The following PRKG1 variants were observed in gnomAD, a reference collection of about 807,000 sequenced individuals.
PRKG1 encodes cGMP-dependent protein kinase 1.
Under a neutral mutation model 88.1 loss-of-function variants are expected in PRKG1, and 35 were observed. The observed-to-expected ratio is 0.40, with a 90% confidence interval of 0.30 to 0.53. PRKG1 has a LOEUF of 0.53. Among genes scored for constraint, PRKG1 ranks in the 20% least tolerant of loss-of-function variants. The pLI is 0.59. For synonymous variants in PRKG1, 303 were observed against 292.5 expected (o/e 1.04, Z -0.37); for missense variants, 540 against 839.8 (o/e 0.64, Z 4.41).
chr10:51,370,512 A>ATGTGTGTG (rs34743767), intron 2 of PRKG1, among the ~76,000 whole-genome samples: 40 of 146,902 alleles, frequency 2.7e-4, no homozygotes, highest in Middle Eastern at 3.5e-3. Context: ...GTGTGTGTGT[A>ATGTGTGTG]TGTGTGTGTG....
intron 2 of PRKG1, among the ~76,000 whole-genome samples, chr10:51,367,776 G>C (rs567138925): frequency 6.6e-6 from 1 of 152,038 alleles, no homozygotes; most frequent in African/African-American, 2.4e-5. Context: ...TACTAACACA[G>C]TGTTTTTTGG....
chr10:51,126,613 C>T (rs1845429622), intron 1 of PRKG1, among the ~76,000 whole-genome samples: 1 of 151,252 alleles, frequency 6.6e-6, no homozygotes, highest in Admixed American at 6.6e-5. Flanking sequence ...ATTAGAAAAA[C>T]ATACTTTAAA....
chr10:52,215,395 A>C (rs1840085490), intron 9 of PRKG1, among the ~76,000 whole-genome samples: 2 of 78,804 alleles, frequency 2.5e-5, no homozygotes. Flanking sequence ...ACTCCATCTC[A>C]AAAAAAAAAA....
chr10:51,683,554 G>A (rs910137323), intron 3 of PRKG1, among the ~76,000 whole-genome samples: 2 of 152,142 alleles, frequency 1.3e-5, no homozygotes, highest in African/African-American at 4.8e-5. Flanking sequence ...TTCCTGCCCT[G>A]GGGTTTGGGT....
At chr10:51,017,647 A>G (rs1041228953) in intron 1 of PRKG1, among the ~76,000 whole-genome samples, 1 of 152,154 alleles carries the variant, frequency 6.6e-6, no homozygotes, top group African/African-American at 2.4e-5. Context: ...CACTGACTTC[A>G]AATTTTTTCC....
chr10:52,190,610 T>C (rs1027001142), intron 9 of PRKG1, among the ~76,000 whole-genome samples: 1 of 152,196 alleles, frequency 6.6e-6, no homozygotes, highest in Non-Finnish European at 1.5e-5. Flanking sequence ...TTTAAGTCTA[T>C]GTCACACAAC....
intron 2 of PRKG1, among the ~76,000 whole-genome samples, chr10:51,452,415 T>C (rs1839463269): frequency 6.6e-6 from 1 of 151,990 alleles, no homozygotes; most frequent in Non-Finnish European, 1.5e-5. Context: ...CAGTGTGGTG[T>C]TGGCTGTGCG....
At chr10:52,125,833 A>C (rs922237364) in intron 7 of PRKG1, 1 of 152,078 alleles carries the variant, frequency 6.6e-6, no homozygotes, top group Admixed American at 6.6e-5. Context: ...TGAAAGAAGC[A>C]CTTTAAGGCT....
intron 5 of PRKG1, among the ~76,000 whole-genome samples, chr10:52,006,394 T>G (rs891310025): frequency 2.0e-5 from 3 of 152,032 alleles, no homozygotes; most frequent in African/African-American, 7.2e-5. Context: ...CATAATAAAA[T>G]GATACAGGAG....
chr10:51,000,342 A>G (rs1464699688), intron 1 of PRKG1, among the ~76,000 whole-genome samples: 1 of 152,218 alleles, frequency 6.6e-6, no homozygotes, highest in Non-Finnish European at 1.5e-5. Flanking sequence ...CACATAATCC[A>G]CAGACAGTCT....
intron 1 of PRKG1, among the ~76,000 whole-genome samples, chr10:51,033,844 T>TTA (rs35637704): frequency 0.34 from 51,191 of 151,962 alleles, 8,714 homozygotes; most frequent in East Asian, 0.45. Context: ...TTCCATTGCA[T>TTA]TATATCCTGC....
chr10:51,064,509 A>G (rs1024443345), intron 1 of PRKG1, among the ~76,000 whole-genome samples: 3 of 152,070 alleles, frequency 2.0e-5, no homozygotes, highest in African/African-American at 7.2e-5. Flanking sequence ...TTGACTTTTT[A>G]TCTTCAAATT....
At chr10:52,239,484 GA>G (rs1182021497) in intron 9 of PRKG1, among the ~76,000 whole-genome samples, 1 of 36,718 alleles carries the variant, frequency 2.7e-5, no homozygotes, top group Non-Finnish European at 5.6e-5. Flanking sequence ...TATATATGAG[GA>G]AAAAAATAAA....
At chr10:51,712,957 C>T (rs1245857233) in intron 3 of PRKG1, among the ~76,000 whole-genome samples, 1 of 138,874 alleles carries the variant, frequency 7.2e-6, no homozygotes, top group Non-Finnish European at 1.6e-5. Flanking sequence ...ATTCTACCTA[C>T]ACAATAACTC....
intron 3 of PRKG1, among the ~76,000 whole-genome samples, chr10:51,492,807 A>G (rs946156039): frequency 6.6e-6 from 1 of 152,184 alleles, no homozygotes; most frequent in Non-Finnish European, 1.5e-5. Context: ...TTAGGATGGC[A>G]TGAAACTTGA....
chr10:52,156,994 A>C (rs1411729828), intron 8 of PRKG1, among the ~76,000 whole-genome samples: 6 of 151,680 alleles, frequency 4.0e-5, no homozygotes, highest in African/African-American at 1.4e-4. Flanking sequence ...AATAGCTTCC[A>C]ATTTAAGATT....
At chr10:51,217,039 A>T (rs1321685700) in intron 2 of PRKG1, among the ~76,000 whole-genome samples, 1 of 152,162 alleles carries the variant, frequency 6.6e-6, no homozygotes, top group Non-Finnish European at 1.5e-5. Context: ...TCTCCTGTGC[A>T]GATAGTCAAA....
intron 12 of PRKG1, 56 bp downstream of exon 12, chr10:52,272,537 C>A: frequency 8.3e-7 from 1 of 1,200,652 alleles, no homozygotes; most frequent in Non-Finnish European, 1.2e-6. Flanking sequence ...CCATGTTGGT[C>A]TATAAGAAGA....
chr10:51,464,047 GGATCACGA>G (rs1564508760), intron 2 of PRKG1, among the ~76,000 whole-genome samples: 1 of 152,040 alleles, frequency 6.6e-6, no homozygotes, highest in Non-Finnish European at 1.5e-5. Flanking sequence ...CAAGGTGGGC[GGATCACGA>G]GATCAGGAGA....
Sources: gnomAD v4.1 joint callset for allele counts (sites outside exome capture counted in the v4.1 genomes callset) on GRCh38, gnomAD v4.1.1 for gene constraint, MANE v1.5 for transcripts, NCBI Gene and HGNC (gene_info 2026-07-23, HGNC 2026-07-21) for gene names.